The following FAM32A variants were observed in gnomAD, a reference collection of about 807,000 sequenced individuals.
FAM32A encodes protein FAM32A.
FAM32A carries 9 observed loss-of-function variants against 15.8 expected under a neutral mutation model. The observed-to-expected ratio is 0.57, with a 90% CI of 0.34 to 1.00. FAM32A has a LOEUF of 1.00. Among genes scored for constraint, FAM32A ranks in the 50% least tolerant of loss-of-function variants. The pLI, the probability that FAM32A is intolerant of heterozygous loss-of-function variation, is 0.02. For missense variants in FAM32A, 113 were observed against 138.3 expected (o/e 0.82, Z 0.92); for synonymous variants, 64 against 54.9 (o/e 1.16, Z -0.73).
chr19:16,188,201 C>G (rs750051488), intron 2 of FAM32A, among the ~76,000 whole-genome samples: 11 of 152,024 alleles, frequency 7.2e-5, no homozygotes, highest in Non-Finnish European at 1.5e-4. Flanking sequence ...CGTGATGGAG[C>G]CAGTGGAAGG....
chr19:16,189,849 T>G (rs1216327705), intron 2 of FAM32A, among the ~76,000 whole-genome samples: 1 of 151,610 alleles, frequency 6.6e-6, no homozygotes, highest in African/African-American at 2.4e-5. Flanking sequence ...CTGATTTTCT[T>G]GTAGAGTTGG....
At chr19:16,190,455 C>T (rs915345531) in intron 2 of FAM32A, 65 bp from the exon 3 acceptor site, 16 of 1,188,744 alleles carry the variant, frequency 1.3e-5, no homozygotes, top group Non-Finnish European at 1.7e-5. Flanking sequence ...CTCCATCTTC[C>T]ACCCCATGCC....
Position 16,185,693 on chromosome 19 carries a change from G to C in FAM32A, c.144G>C (p.Glu48Asp). ...CAATGGGAACGAGCAAAAAGAACGA[G>C]GAGGAGAAGCGGCGCGGCCTGGACA... ...LEAMGTSKKN[E>D]EEKRRGLDKR... The change falls in exon 2 of 4, where the codon GAG (glutamate) becomes GAC (aspartate). Residue 48 changes from glutamate to aspartate, a missense_variant. Around this residue, in one of 2 missense-constraint regions of FAM32A, gnomAD observed 112 missense variants for 118.6 expected, o/e 0.94. Coordinates refer to ENST00000263384, the MANE Select transcript of FAM32A (RefSeq NM_014077.4). The C allele has an allele frequency of 6.3e-7, 1 of 1,574,896 alleles. No homozygotes were observed. Among genetic ancestry groups the C allele is most frequent in the Non-Finnish European group, 8.6e-7 (1 of 1,158,956 alleles).
intron 2 of FAM32A, among the ~76,000 whole-genome samples, chr19:16,187,128 A>G (rs1341401021): frequency 1.3e-5 from 2 of 152,238 alleles, no homozygotes; most frequent in Admixed American, 1.3e-4. Context: ...CTCTGCCTCT[A>G]CCACAAATTA....
At position 16,191,038 on chromosome 19, in the gene FAM32A, G is replaced by A; in HGVS notation, c.*83G>A. On this transcript the variant is annotated 3_prime_UTR_variant, in exon 4 of 4. Transcript: ENST00000263384. Reference sequence around the variant, plus strand: ...GTGTGTGTTTCCTTTGGTATATTCTGGAAACATGGCTACACACACCCTTGC... The same window carrying A: ...GTGTGTGTTTCCTTTGGTATATTCTAGAAACATGGCTACACACACCCTTGC... 9.3e-7 allele frequency: 1 copy of A among 1,074,928 alleles called. No homozygotes were observed. Among genetic ancestry groups the A allele is most frequent in the Non-Finnish European group, 1.4e-6 (1 of 695,034 alleles). The allele number at this position is 1,074,928 out of a possible 1,614,324, so 66.6% of individuals were successfully genotyped here. A position where few individuals can be genotyped will look rare whatever the true frequency, so the allele number is the denominator to read the frequency against.
rs1193309127 is a variant in FAM32A, at chr19:16,185,610, A to G, written c.75-14A>G. 5.0e-6 allele frequency: 8 copies of G among 1,598,518 alleles called. No individual in the cohort carries two copies. Among genetic ancestry groups the G allele is most frequent in the South Asian group, 3.4e-5 (3 of 88,370 alleles). On this transcript the variant is annotated splice_polypyrimidine_tract_variant and intron_variant, in intron 1 of 3. Coordinates refer to ENST00000263384, the MANE Select transcript of FAM32A (RefSeq NM_014077.4). ...TGATCCTCCGACCCGCCGCCTCCTCATGTCTTTTTCCAGGAAGAAGAAAAA... is the reference window on the plus strand; with the variant it reads ...TGATCCTCCGACCCGCCGCCTCCTCGTGTCTTTTTCCAGGAAGAAGAAAAA...
chr19:16,188,809 G>A (rs1176408933), intron 2 of FAM32A, among the ~76,000 whole-genome samples: 1 of 152,118 alleles, frequency 6.6e-6, no homozygotes, highest in Non-Finnish European at 1.5e-5. Flanking sequence ...GTGAGGGAAT[G>A]AAGGAGAAGG....
Position 16,185,676 on chromosome 19 carries a change from A to G in FAM32A, c.127A>G (p.Thr43Ala), listed in dbSNP as rs930820999. 3.2e-6 allele frequency: 5 copies of G among 1,585,852 alleles called. No individual in the cohort carries two copies. The highest frequency in any genetic ancestry group is 4.3e-6 in the Non-Finnish European group (5 of 1,164,992). The change falls in exon 2 of 4, where the codon ACG (threonine) becomes GCG (alanine). Residue 43 changes from threonine (T) to alanine (A), a missense_variant. Physicochemically the swap from Thr to Ala is moderately conservative, Grantham distance 58. Coordinates refer to ENST00000263384, the MANE Select transcript of FAM32A (RefSeq NM_014077.4). Reference sequence around the variant, plus strand: ...AGCGAAACTCCTGGAAGCAATGGGAACGAGCAAAAAGAACGAGGAGGAGAA... The same window carrying G: ...AGCGAAACTCCTGGAAGCAATGGGAGCGAGCAAAAAGAACGAGGAGGAGAA... Reference protein sequence around the residue: ...DKAKLLEAMGTSKKNEEEKRR... With the variant: ...DKAKLLEAMGASKKNEEEKRR...
Position 16,185,504 on chromosome 19 carries a change from G to C in FAM32A, c.62G>C (p.Gly21Ala), listed in dbSNP as rs2091381299. 1 of 1,565,632 alleles carries C rather than the reference G, an allele frequency of 6.4e-7. No individual in the cohort carries two copies. The highest frequency in any genetic ancestry group is 1.4e-5 in the African/African-American group (1 of 73,826). The change falls in exon 1 of 4, where the codon GGA becomes GCA. Residue 21 changes from glycine to alanine, a missense_variant. By Grantham distance (60) the Gly-to-Ala change is moderately conservative (BLOSUM62 0). This residue lies in a region of FAM32A where 112 missense variants were observed against 118.6 expected (regional missense o/e 0.94). Coordinates refer to ENST00000263384, the MANE Select transcript of FAM32A (RefSeq NM_014077.4). ...PLKLKGVAELGVTKRKKKKKD... is the reference protein window; with the variant it reads ...PLKLKGVAELAVTKRKKKKKD... ...AAGCTGAAAGGCGTCGCAGAGCTGG[G>C]AGTGACCAAGCGGTGAGGCCCGAGG...
intron 2 of FAM32A, among the ~76,000 whole-genome samples, chr19:16,185,970 T>C (rs1401921482): frequency 6.6e-6 from 1 of 151,924 alleles, no homozygotes; most frequent in Admixed American, 6.6e-5. Flanking sequence ...CTGGCCCGAG[T>C]GGGCAGCAGA....
At chr19:16,185,911 G>C in intron 2 of FAM32A, 146 bp downstream of exon 2, 1 of 994,250 alleles carries the variant, frequency 1.0e-6, no homozygotes, top group Non-Finnish European at 1.4e-6. Flanking sequence ...ACGTGAGTGA[G>C]AGAAGAGTCG....
At chr19:16,188,054 G>A (rs1005997852) in intron 2 of FAM32A, among the ~76,000 whole-genome samples, 1 of 152,178 alleles carries the variant, frequency 6.6e-6, no homozygotes, top group Non-Finnish European at 1.5e-5. Context: ...CCAAGTAAAT[G>A]CATTTCTTTC....
chr19:16,185,660 C>T lies in FAM32A; in HGVS notation c.111C>T (p.Leu37=), dbSNP rs1043887795. Residue 37 remains leucine, a synonymous_variant, in exon 2 of 4, where the codon CTC becomes CTT. Coordinates refer to ENST00000263384, the MANE Select transcript of FAM32A (RefSeq NM_014077.4). ...KKKKDKDKAK[L]LEAMGTSKKN... ...AGAAGGACAAAGACAAAGCGAAACT[C>T]CTGGAAGCAATGGGAACGAGCAAAA... 7 of 1,592,256 alleles carry T rather than the reference C, an allele frequency of 4.4e-6. No individual in the cohort carries two copies. The highest frequency in any genetic ancestry group is 3.3e-4 in the Middle Eastern group (2 of 6,050).
intron 2 of FAM32A, chr19:16,186,538 G>A (rs1322431437): frequency 6.6e-6 from 1 of 152,218 alleles, no homozygotes; most frequent in Non-Finnish European, 1.5e-5. Flanking sequence ...AAAGTGCTGG[G>A]ATTACAGGCG....
chr19:16,191,749 C>T lies in FAM32A; in HGVS notation c.*794C>T, dbSNP rs1343388528. The T allele has an allele frequency of 6.6e-6, 1 of 152,306 alleles. No homozygotes were observed. Among genetic ancestry groups the T allele is most frequent in the African/African-American group, 2.4e-5 (1 of 41,470 alleles). The allele number at this position is 152,306 out of a possible 1,614,324, so 9.4% of individuals were successfully genotyped here. On this transcript the variant is annotated 3_prime_UTR_variant, in exon 4 of 4. Transcript: ENST00000263384. ...TCAGAGTTGACACATCACACAGATC[C>T]TGTTTGGCATTCCTACCTTACGGAC...
chr19:16,189,083 C>T (rs1321111095), intron 2 of FAM32A, among the ~76,000 whole-genome samples: 3 of 139,144 alleles, frequency 2.2e-5, no homozygotes, highest in African/African-American at 8.2e-5. Flanking sequence ...AGTGCAATGG[C>T]AAGATCTCAG....
In FAM32A at chr19:16,191,687, C is replaced by CCT. The variant is rs1231576254; in HGVS notation, c.*734_*735dup. On this transcript the variant is annotated 3_prime_UTR_variant, in exon 4 of 4. Transcript: ENST00000263384. ...AACCAGACACAGCCTGCCTCTCAAT[C>CCT]CTCAGCTGGGGGCTCCTAGCAGCCT... 1 of 152,476 alleles carries CCT rather than the reference C, an allele frequency of 6.6e-6. No individual in the cohort carries two copies. The highest frequency in any genetic ancestry group is 2.4e-5 in the African/African-American group (1 of 41,464). 9.4% of individuals were successfully genotyped at this position (152,476 alleles called of 1,614,324 possible).
chr19:16,190,738 A>C (rs2091402697), intron 3 of FAM32A, 149 bp from the exon 4 acceptor site: 2 of 850,342 alleles, frequency 2.4e-6, no homozygotes, highest in Admixed American at 4.0e-5. Flanking sequence ...CCCAGGGTTC[A>C]GGAGTCTGTA....
At chr19:16,186,487 C>A (rs1434349148) in intron 2 of FAM32A, 1 of 152,212 alleles carries the variant, frequency 6.6e-6, no homozygotes, top group East Asian at 1.9e-4. Context: ...AGGCTGATCT[C>A]GAACTTCTGA....
Sources: gnomAD v4.1 joint callset for allele counts (sites outside exome capture counted in the v4.1 genomes callset) on GRCh38, gnomAD v4.1.1 for gene constraint, gnomAD v4.1.1 regional missense constraint, MANE v1.5 for transcripts, NCBI Gene and HGNC (gene_info 2026-07-23, HGNC 2026-07-21) for gene names.